SMIM31: variants seen among roughly 807,000 people sequenced by gnomAD.
SMIM31 encodes the protein human epithelial cell program regulator.
At position 164,758,226 on chromosome 4, in the gene SMIM31, C is replaced by T. The variant is rs760069113; in HGVS notation, c.-26+3815C>T. ...AACGCAATTGGTTTTTCAATATTGA[C>T]TTTGTATCCTAAGATGTTACTAAAT... On this transcript the variant is annotated intron_variant, in intron 1 of 2. Coordinates refer to ENST00000507311, the MANE Select transcript of SMIM31 (RefSeq NM_001352885.1). Among the ~76,000 whole-genome samples the T allele has an allele frequency of 2.8e-4, 43 of 152,080 alleles. 1 individual carries two copies. The Middle Eastern group carries it at 0.014, about 48-fold the overall frequency.
At chr4:164,772,653 A>T (rs539893295) in intron 2 of SMIM31, among the ~76,000 whole-genome samples, 2,096 of 148,814 alleles carry the variant, frequency 0.014, 16 homozygotes, top group Non-Finnish European at 0.023. Context: ...ATCTCGACTC[A>T]CTGCAAGCTC....
intron 2 of SMIM31, 46 bp downstream of exon 2, chr4:164,770,601 C>A: frequency 2.5e-6 from 1 of 398,672 alleles, no homozygotes; most frequent in Non-Finnish European, 4.4e-6. Flanking sequence ...CTACTGTGTC[C>A]TTTTCCCTGC....
At chr4:164,760,738 T>TAAA (rs60710008) in intron 1 of SMIM31, among the ~76,000 whole-genome samples, 26 of 86,246 alleles carry the variant, frequency 3.0e-4, no homozygotes, top group Middle Eastern at 0.014. Flanking sequence ...AGACTCCACC[T>TAAA]AAAAAAAAAA....
chr4:164,765,642 A>G (rs944030511), intron 1 of SMIM31, among the ~76,000 whole-genome samples: 3 of 150,570 alleles, frequency 2.0e-5, no homozygotes, highest in Non-Finnish European at 3.0e-5. Flanking sequence ...AAAAAAAAAA[A>G]GGCAGATAAA....
intron 2 of SMIM31, among the ~76,000 whole-genome samples, chr4:164,799,206 C>T (rs1733250889): frequency 6.6e-6 from 1 of 151,888 alleles, no homozygotes; most frequent in South Asian, 2.1e-4. Flanking sequence ...GGCAACATAA[C>T]AAAACCCCAT....
chr4:164,776,757 A>G (rs1732884334), intron 2 of SMIM31, among the ~76,000 whole-genome samples: 1 of 152,174 alleles, frequency 6.6e-6, no homozygotes, highest in Non-Finnish European at 1.5e-5. Context: ...ATAAATTAAT[A>G]AATACCTAGA....
At chr4:164,767,063 G>T (rs747701902) in intron 1 of SMIM31, among the ~76,000 whole-genome samples, 1 of 152,172 alleles carries the variant, frequency 6.6e-6, no homozygotes, top group Non-Finnish European at 1.5e-5. Flanking sequence ...CCATCAGACG[G>T]GATGTGGGGT....
At chr4:164,791,923 T>A (rs1560831803) in intron 2 of SMIM31, among the ~76,000 whole-genome samples, 1 of 152,164 alleles carries the variant, frequency 6.6e-6, no homozygotes, top group African/African-American at 2.4e-5. Flanking sequence ...ACAGCTCAGC[T>A]CGCACTTATA....
chr4:164,776,845 C>G (rs978111549), intron 2 of SMIM31, among the ~76,000 whole-genome samples: 1 of 152,198 alleles, frequency 6.6e-6, no homozygotes, highest in African/African-American at 2.4e-5. Context: ...CATTCTATAG[C>G]TCTTCCTACC....
intron 2 of SMIM31, among the ~76,000 whole-genome samples, chr4:164,775,410 G>A (rs1037980747): frequency 2.0e-5 from 3 of 152,162 alleles, no homozygotes; most frequent in African/African-American, 7.2e-5. Flanking sequence ...TCTGAAACTA[G>A]CCAGATAGAT....
chr4:164,777,492 C>T (rs556700549), intron 2 of SMIM31, among the ~76,000 whole-genome samples: 14 of 152,308 alleles, frequency 9.2e-5, no homozygotes, highest in African/African-American at 1.2e-4. Flanking sequence ...CACATAGTGA[C>T]GCGGCAGTAG....
At chr4:164,773,932 C>A (rs1041849375) in intron 2 of SMIM31, among the ~76,000 whole-genome samples, 1 of 151,980 alleles carries the variant, frequency 6.6e-6, no homozygotes, top group Non-Finnish European at 1.5e-5. Context: ...TTTGGGAGGC[C>A]GAGGCGGGCG....
intron 2 of SMIM31, among the ~76,000 whole-genome samples, chr4:164,771,534 A>G (rs1732802151): frequency 6.6e-6 from 1 of 151,900 alleles, no homozygotes; most frequent in South Asian, 2.1e-4. Context: ...GGGCGCGGTG[A>G]CTCACGCCTA....
chr4:164,798,116 C>A (rs1472478814), intron 2 of SMIM31, among the ~76,000 whole-genome samples: 2 of 152,112 alleles, frequency 1.3e-5, no homozygotes, highest in African/African-American at 4.8e-5. Flanking sequence ...ACCACATTTT[C>A]TTTATCCAAT....
chr4:164,799,541 G>A (rs1048942354), intron 2 of SMIM31, among the ~76,000 whole-genome samples: 3 of 152,084 alleles, frequency 2.0e-5, no homozygotes, highest in African/African-American at 4.8e-5. Context: ...GGAAAAACAG[G>A]AGGAATTCCT....
At chr4:164,756,800 G>A (rs62352409) in intron 1 of SMIM31, among the ~76,000 whole-genome samples, 17,392 of 152,020 alleles carry the variant, frequency 0.11, 1,108 homozygotes, top group African/African-American at 0.16. Flanking sequence ...ATTCCATTAT[G>A]TAAATATGTA....
intron 2 of SMIM31, among the ~76,000 whole-genome samples, chr4:164,792,209 C>A (rs80071135): frequency 2.0e-5 from 3 of 152,128 alleles, no homozygotes; most frequent in Non-Finnish European, 4.4e-5. Context: ...CTTTAAGTAG[C>A]AACATTTTAG....
rs190806218 is a variant in SMIM31, at chr4:164,785,021, C to T, written c.112+14466C>T. On this transcript the variant is annotated intron_variant, in intron 2 of 2. Transcript: ENST00000507311. Reference sequence around the variant, plus strand: ...GGCGGATTGCCTGAGCTCAGGAGTTCGAAACCAGCTTGGGCAACGTGGCAA... The same window carrying T: ...GGCGGATTGCCTGAGCTCAGGAGTTTGAAACCAGCTTGGGCAACGTGGCAA... 5.7e-3 allele frequency among the ~76,000 whole-genome samples: 855 copies of T among 151,324 alleles called. 8 individuals are homozygous for T. The highest frequency in any genetic ancestry group is 0.02 in the African/African-American group (809 of 41,224).
chr4:164,756,685 G>T (rs1283167789), intron 1 of SMIM31, among the ~76,000 whole-genome samples: 4 of 151,992 alleles, frequency 2.6e-5, no homozygotes, highest in Non-Finnish European at 5.9e-5. Flanking sequence ...CCTGCCTCCA[G>T]ATGTAAACAA....
Sources: allele counts gnomAD v4.1 joint callset (sites outside exome capture counted in the v4.1 genomes callset), GRCh38; gene constraint gnomAD v4.1.1; transcripts MANE v1.5; gene names NCBI Gene and HGNC (gene_info 2026-07-23, HGNC 2026-07-21).